MYT1L: variants seen among roughly 807,000 people sequenced by gnomAD.
The protein encoded by MYT1L is myelin transcription factor 1 like.
MYT1L carries 12 observed loss-of-function variants against 126.7 expected under a neutral mutation model. The observed-to-expected ratio is 0.09, with a 90% CI of 0.06 to 0.15. MYT1L has a LOEUF of 0.15. Ranked by LOEUF, MYT1L falls within the 10% of genes least tolerant of loss-of-function variation. The probability of loss-of-function intolerance (pLI) is 1.00; values close to 1 mark genes in which losing one functional copy is unlikely to be tolerated. For synonymous variants in MYT1L, 541 were observed against 604.2 expected, an observed-to-expected ratio of 0.90 and a Z score of 1.53; for missense variants, 979 against 1,585.2, an observed-to-expected ratio of 0.62 and a Z score of 6.49.
At chr2:2,209,169 C>T (rs569034220) in intron 2 of MYT1L, among the ~76,000 whole-genome samples, 2 of 152,274 alleles carry the variant, frequency 1.3e-5, no homozygotes, top group African/African-American at 4.8e-5. Context: ...CATTTTTATA[C>T]AGAAATGCAG....
At chr2:2,003,975 A>ATTCTTTCCTGCAAGCG (rs1361038099) in intron 4 of MYT1L, among the ~76,000 whole-genome samples, 10 of 132,202 alleles carry the variant, frequency 7.6e-5, no homozygotes, top group East Asian at 7.5e-4. Flanking sequence ...TCCTGCAGGC[A>ATTCTTTCCTGCAAGCG]TTCTTTCCTG....
At chr2:2,058,540 T>C (rs537077951) in intron 3 of MYT1L, among the ~76,000 whole-genome samples, 1 of 152,272 alleles carries the variant, frequency 6.6e-6, no homozygotes. Context: ...GTAGACACTT[T>C]GCTATCTAAC....
chr2:2,139,844 G>T (rs2083682899), intron 3 of MYT1L, among the ~76,000 whole-genome samples: 1 of 152,004 alleles, frequency 6.6e-6, no homozygotes, highest in African/African-American at 2.4e-5. Context: ...CTTTATTAAA[G>T]TTACTCACAT....
Position 2,056,325 on chromosome 2 carries a change from A to C in MYT1L, c.-303-2202T>G, listed in dbSNP as rs143224461. The stretch of plus-strand genomic sequence containing the variant: ...AAACATGAGAACCCCTCTTGGAGGA[A>C]GGGGAGTTAGAGTAATTGCTGGAGG... On this transcript the variant is annotated intron_variant, in intron 3 of 24. Coordinates refer to ENST00000647738, the MANE Select transcript of MYT1L (RefSeq NM_001303052.2). Among the ~76,000 whole-genome samples the C allele has an allele frequency of 2.0e-3, 304 of 152,308 alleles. 2 individuals carry two copies. The highest frequency in any genetic ancestry group is 6.8e-3 in the Middle Eastern group (2 of 294).
intron 5 of MYT1L, among the ~76,000 whole-genome samples, chr2:1,980,629 A>AT (rs2149496254): frequency 6.6e-6 from 1 of 152,260 alleles, no homozygotes; most frequent in Non-Finnish European, 1.5e-5. Context: ...TAAGGAAAGT[A>AT]TTTTTATTAT....
chr2:2,185,698 C>T (rs1163681576), intron 2 of MYT1L, among the ~76,000 whole-genome samples: 2 of 139,072 alleles, frequency 1.4e-5, no homozygotes, highest in African/African-American at 5.6e-5. Context: ...CCGGGCCTTC[C>T]GGGCCTTCCC....
At chr2:2,166,258 G>C (rs553941559) in intron 3 of MYT1L, among the ~76,000 whole-genome samples, 1 of 152,186 alleles carries the variant, frequency 6.6e-6, no homozygotes, top group East Asian at 1.9e-4. Flanking sequence ...AGGTCACTCA[G>C]ATAAGTCCTC....
intron 3 of MYT1L, among the ~76,000 whole-genome samples, chr2:2,100,644 G>T (rs985814186): frequency 6.6e-6 from 1 of 152,140 alleles, no homozygotes; most frequent in African/African-American, 2.4e-5. Flanking sequence ...TTGTAGTGAA[G>T]TCTTCTCTGT....
intron 21 of MYT1L, among the ~76,000 whole-genome samples, chr2:1,832,516 A>G (rs1196225691): frequency 6.6e-6 from 1 of 152,192 alleles, no homozygotes; most frequent in Non-Finnish European, 1.5e-5. Context: ...TTCACCCACA[A>G]GGCCCTGCTC....
At chr2:1,792,199 G>A in intron 24 of MYT1L, 122 bp downstream of exon 24, 1 of 1,348,086 alleles carries the variant, frequency 7.4e-7, no homozygotes. Context: ...GTTTCGGGGT[G>A]GTAACCACAA....
At chr2:2,155,327 A>G (rs549514189) in intron 3 of MYT1L, among the ~76,000 whole-genome samples, 12 of 152,350 alleles carry the variant, frequency 7.9e-5, no homozygotes, top group African/African-American at 2.6e-4. Flanking sequence ...ACGAGAGCAA[A>G]GCCTCTGCCT....
chr2:2,004,838 T>C (rs1232432202), intron 4 of MYT1L, among the ~76,000 whole-genome samples: 2 of 151,324 alleles, frequency 1.3e-5, no homozygotes, highest in Non-Finnish European at 2.9e-5. Context: ...ATGTGTTCTT[T>C]CCTGCATGCG....
rs192087663 is a variant in MYT1L at position 2,048,106 on chromosome 2, G to A, written c.-158+5872C>T. ...TGTGCACCAAGCACCTCCTCCATCC[G>A]TGTTACTGCTTCTCATTTTGTGAAG... On this transcript the variant is annotated intron_variant, in intron 4 of 24. Transcript: ENST00000647738. Among the ~76,000 whole-genome samples, 339 of 152,228 alleles carry A rather than the reference G, an allele frequency of 2.2e-3. 1 individual carries two copies. The highest frequency in any genetic ancestry group is 8.0e-3 in the African/African-American group (332 of 41,544).
chr2:2,301,497 T>C (rs2095785095), intron 1 of MYT1L, among the ~76,000 whole-genome samples: 1 of 152,112 alleles, frequency 6.6e-6, no homozygotes, highest in Non-Finnish European at 1.5e-5. Context: ...ATGGAAGGAT[T>C]GGTCAATATA....
At chr2:2,227,148 C>T (rs1016644587) in intron 2 of MYT1L, among the ~76,000 whole-genome samples, 2 of 152,154 alleles carry the variant, frequency 1.3e-5, no homozygotes, top group Admixed American at 6.5e-5. Context: ...TTCCCCTTTT[C>T]CCTTTGGCTC....
intron 4 of MYT1L, among the ~76,000 whole-genome samples, chr2:2,006,174 T>C (rs1018524921): frequency 6.6e-6 from 1 of 152,212 alleles, no homozygotes; most frequent in African/African-American, 2.4e-5. Context: ...GCACCCTTTC[T>C]TACTTCAGAC....
chr2:2,311,131 G>A (rs2095962731), intron 1 of MYT1L, among the ~76,000 whole-genome samples: 1 of 152,118 alleles, frequency 6.6e-6, no homozygotes, highest in African/African-American at 2.4e-5. Flanking sequence ...ACACAGGCAA[G>A]GATTTGATTT....
chr2:2,177,277 T>C (rs1434345047), intron 2 of MYT1L, among the ~76,000 whole-genome samples: 1 of 152,238 alleles, frequency 6.6e-6, no homozygotes, highest in African/African-American at 2.4e-5. Flanking sequence ...TAGTCACACA[T>C]ATGCATAGAT....
intron 21 of MYT1L, among the ~76,000 whole-genome samples, chr2:1,817,559 G>A (rs564454316): frequency 3.9e-5 from 6 of 152,190 alleles, no homozygotes; most frequent in African/African-American, 1.4e-4. Flanking sequence ...CTGTCCAAAC[G>A]CGGCTGTGTC....
Sources: gnomAD v4.1 joint callset for allele counts (sites outside exome capture counted in the v4.1 genomes callset) on GRCh38, gnomAD v4.1.1 for gene constraint, MANE v1.5 for transcripts, NCBI Gene and HGNC (gene_info 2026-07-23, HGNC 2026-07-21) for gene names.